The following DPYSL3 variants were observed in gnomAD, a reference collection of about 807,000 sequenced individuals.
DPYSL3 encodes dihydropyrimidinase-related protein 3.
A neutral mutation model predicts 66.1 loss-of-function variants in DPYSL3; 16 were observed. That is an observed-to-expected ratio of 0.24 (90% CI 0.16 to 0.37). The LOEUF (loss-of-function observed/expected upper bound fraction) is 0.37, where lower values mean the gene tolerates loss of function less well. Ranked by LOEUF, DPYSL3 falls within the 10% of genes least tolerant of loss-of-function variation. DPYSL3 has a pLI of 1.00. For missense variants in DPYSL3, 738 were observed against 916.2 expected (o/e 0.81, Z 2.51); for synonymous variants, 338 against 345.1 (o/e 0.98, Z 0.23).
chr5:147,467,446 T>A (rs890686083), intron 1 of DPYSL3, among the ~76,000 whole-genome samples: 4 of 152,206 alleles, frequency 2.6e-5, no homozygotes, highest in Non-Finnish European at 4.4e-5. Context: ...GAAGGAAACC[T>A]GCCCAACCTG....
chr5:147,502,037 T>C (rs1167600337), intron 1 of DPYSL3, among the ~76,000 whole-genome samples: 1 of 152,276 alleles, frequency 6.6e-6, no homozygotes, highest in East Asian at 1.9e-4. Context: ...AAATAATAAA[T>C]GTATTTCTTA....
chr5:147,435,884 G>A (rs1406276669), intron 1 of DPYSL3, among the ~76,000 whole-genome samples: 3 of 152,274 alleles, frequency 2.0e-5, no homozygotes, highest in East Asian at 1.9e-4. Context: ...AGCATCCAGG[G>A]CCTACCAGCA....
chr5:147,472,011 A>G (rs888281625), intron 1 of DPYSL3, among the ~76,000 whole-genome samples: 2 of 152,094 alleles, frequency 1.3e-5, no homozygotes, highest in Non-Finnish European at 2.9e-5. Context: ...TTAGCTCTTC[A>G]AAGAGAGCAA....
intron 1 of DPYSL3, among the ~76,000 whole-genome samples, chr5:147,457,588 G>A (rs1752872624): frequency 6.6e-6 from 1 of 152,208 alleles, no homozygotes; most frequent in African/African-American, 2.4e-5. Flanking sequence ...AGATGGCGAA[G>A]AATCACTTTG....
chr5:147,428,601 C>A (rs540739645), intron 1 of DPYSL3, among the ~76,000 whole-genome samples: 18 of 152,272 alleles, frequency 1.2e-4, no homozygotes, highest in Admixed American at 6.5e-4. Context: ...TAGATTAACA[C>A]ATGCTAAGAT....
At chr5:147,434,135 G>A (rs887201423) in intron 1 of DPYSL3, among the ~76,000 whole-genome samples, 1 of 151,918 alleles carries the variant, frequency 6.6e-6, no homozygotes, top group African/African-American at 2.4e-5. Context: ...TCGATGTACT[G>A]TTAAAATCAA....
chr5:147,495,058 C>G (rs1349808767), intron 1 of DPYSL3, among the ~76,000 whole-genome samples: 9 of 152,040 alleles, frequency 5.9e-5, no homozygotes, highest in Non-Finnish European at 1.2e-4. Flanking sequence ...GAAACCAAAT[C>G]AATAATTACC....
chr5:147,453,533 C>T (rs1480324140), intron 1 of DPYSL3: 9 of 1,525,176 alleles, frequency 5.9e-6, no homozygotes, highest in Non-Finnish European at 7.9e-6. Context: ...GAGGGAGCAG[C>T]GGCGCCCGGA....
chr5:147,496,109 T>C (rs990053018), intron 1 of DPYSL3, among the ~76,000 whole-genome samples: 1 of 152,144 alleles, frequency 6.6e-6, no homozygotes, highest in Non-Finnish European at 1.5e-5. Flanking sequence ...TCTACAACTA[T>C]CTGATCTTTG....
intron 1 of DPYSL3, among the ~76,000 whole-genome samples, chr5:147,451,217 T>C (rs1338779960): frequency 6.6e-6 from 1 of 152,196 alleles, no homozygotes; most frequent in Non-Finnish European, 1.5e-5. Context: ...ATGCCCTTCC[T>C]TTTCATCCCC....
intron 1 of DPYSL3, among the ~76,000 whole-genome samples, chr5:147,460,498 G>A (rs1477344949): frequency 6.6e-6 from 1 of 152,172 alleles, no homozygotes; most frequent in East Asian, 1.9e-4. Context: ...TTGTGATTAA[G>A]TTAAGGATCT....
intron 1 of DPYSL3, among the ~76,000 whole-genome samples, chr5:147,471,172 G>C (rs968952658): frequency 6.6e-6 from 1 of 152,224 alleles, no homozygotes; most frequent in Middle Eastern, 3.4e-3. Context: ...GAATCCTAAA[G>C]TACTAATGGG....
intron 1 of DPYSL3, 57 bp from the exon 2 acceptor site, chr5:147,425,020 A>T (rs1752169476): frequency 2.8e-6 from 4 of 1,405,786 alleles, no homozygotes; most frequent in East Asian, 2.3e-5. Flanking sequence ...GAGAAGAGTG[A>T]TCTGCCAAGG....
At chr5:147,411,477 C>T (rs913905207) in intron 6 of DPYSL3, among the ~76,000 whole-genome samples, 1 of 152,156 alleles carries the variant, frequency 6.6e-6, no homozygotes, top group Non-Finnish European at 1.5e-5. Context: ...GCAAAGATTT[C>T]GTTTTCCTAG....
chr5:147,483,381 C>T (rs1385601555), intron 1 of DPYSL3, among the ~76,000 whole-genome samples: 2 of 152,194 alleles, frequency 1.3e-5, no homozygotes. Flanking sequence ...GCTAATGTAA[C>T]ACTGTGTTTG....
intron 1 of DPYSL3, among the ~76,000 whole-genome samples, chr5:147,500,907 G>T (rs1215368444): frequency 1.3e-5 from 2 of 152,118 alleles, no homozygotes; most frequent in East Asian, 3.9e-4. Flanking sequence ...AGACAATTTG[G>T]CAGTTTCTTA....
At chr5:147,499,390 C>A (rs1753569431) in intron 1 of DPYSL3, among the ~76,000 whole-genome samples, 1 of 151,998 alleles carries the variant, frequency 6.6e-6, no homozygotes, top group African/African-American at 2.4e-5. Context: ...AACATATAAC[C>A]ATTTACATTA....
intron 1 of DPYSL3, among the ~76,000 whole-genome samples, chr5:147,440,304 A>G (rs2126369398): frequency 6.6e-6 from 1 of 152,334 alleles, no homozygotes; most frequent in Admixed American, 6.5e-5. Flanking sequence ...CTCCACCTCA[A>G]AAATAAAAAC....
intron 1 of DPYSL3, among the ~76,000 whole-genome samples, chr5:147,485,384 G>A (rs568865899): frequency 3.9e-4 from 59 of 152,158 alleles, no homozygotes; most frequent in Non-Finnish European, 6.8e-4. Context: ...AGGGCCAAGC[G>A]ACTAAATAAA....
Sources: allele counts gnomAD v4.1 joint callset (sites outside exome capture counted in the v4.1 genomes callset), GRCh38; gene constraint gnomAD v4.1.1; transcripts MANE v1.5; gene names NCBI Gene and HGNC (gene_info 2026-07-23, HGNC 2026-07-21).